MGST1: variants seen among roughly 807,000 people sequenced by gnomAD.
MGST1 encodes microsomal glutathione S-transferase 1, also known as glutathione S-transferase 12.
Under a neutral mutation model 8.9 loss-of-function variants are expected in MGST1, and 5 were observed. The ratio of observed to expected loss-of-function variants is 0.56; its 90% CI spans 0.29 to 1.19. The LOEUF (loss-of-function observed/expected upper bound fraction) is 1.19. Ranked by LOEUF, MGST1 falls within the 50% of genes most tolerant of loss-of-function variation. The pLI is 0.08. For synonymous variants in MGST1, 54 were observed against 67.8 expected (o/e 0.80, Z 1.00); for missense variants, 182 against 187.4 (o/e 0.97, Z 0.17).
At position 16,584,135 on chromosome 12, in the gene MGST1, G is replaced by A. The variant is rs1418392062; in HGVS notation, n.483-5393G>A. 6.6e-6 allele frequency among the ~76,000 whole-genome samples: 1 copy of A among 152,124 alleles called. No individual in the cohort carries two copies. Among genetic ancestry groups the A allele is most frequent in the African/African-American group, 2.4e-5 (1 of 41,434 alleles). On this transcript the variant is annotated intron_variant and non_coding_transcript_variant, in intron 4 of 4. Coordinates refer to the MGST1 transcript ENST00000538857. The surrounding 1 kb of genome is among the most constrained non-coding windows in gnomAD (Gnocchi z 5.2). ...GCCTTTTAGAATCCCTAGAATTGTG[G>A]TAAGAGGGAAATGACAGCAGTGAGT...
Position 16,401,297 on chromosome 12 carries a change from C to T in MGST1, n.778+17693C>T, listed in dbSNP as rs1203535756. On this transcript the variant is annotated intron_variant and non_coding_transcript_variant, in intron 1 of 1. Coordinates refer to the MGST1 transcript ENST00000359720. The surrounding 1 kb of genome is among the most constrained non-coding windows in gnomAD (Gnocchi z 4.3). ...GAGAATCCCAAACTGATGCTGAAAA[C>T]CATTCCTGTCTTCAGTTTGTATTGA... 1.3e-6 allele frequency: 2 copies of T among 1,497,334 alleles called. No homozygotes were observed. Among genetic ancestry groups the T allele is most frequent in the Non-Finnish European group, 1.9e-6 (2 of 1,077,070 alleles). The allele number at this position is 1,497,334 out of a possible 1,614,324, so 92.8% of individuals were successfully genotyped here.
At chr12:16,469,474 C>T (rs1327064105) in intron 4 of MGST1, among the ~76,000 whole-genome samples, 1 of 152,176 alleles carries the variant, frequency 6.6e-6, no homozygotes, top group Non-Finnish European at 1.5e-5. Flanking sequence ...CAGGCATGAG[C>T]CACCATGCCC....
chr12:16,387,844 T>TACC (rs1940518668), intron 1 of MGST1, among the ~76,000 whole-genome samples: 2 of 151,826 alleles, frequency 1.3e-5, no homozygotes, highest in African/African-American at 4.8e-5. Flanking sequence ...TGTATTTCAC[T>TACC]GTACCTTTTC....
chr12:16,387,825 G>GT (rs897891723), intron 1 of MGST1, among the ~76,000 whole-genome samples: 45 of 151,720 alleles, frequency 3.0e-4, no homozygotes, highest in African/African-American at 1.1e-3. Flanking sequence ...GCACCCTGCT[G>GT]TTTTCTACTG....
intron 1 of MGST1, among the ~76,000 whole-genome samples, chr12:16,428,276 C>T (rs1400341350): frequency 2.0e-5 from 3 of 150,762 alleles, no homozygotes. Context: ...TGATGTTAAT[C>T]TACTTTTAAT....
intron 4 of MGST1, among the ~76,000 whole-genome samples, chr12:16,447,300 G>T (rs892996554): frequency 4.6e-5 from 7 of 151,810 alleles, no homozygotes; most frequent in African/African-American, 1.7e-4. Context: ...AAGCTCTTTT[G>T]GGGGTATAGT....
At chr12:16,571,255 G>T (rs1477024436) in intron 4 of MGST1, among the ~76,000 whole-genome samples, 1 of 151,998 alleles carries the variant, frequency 6.6e-6, no homozygotes, top group Non-Finnish European at 1.5e-5. Context: ...ATTTAACTAA[G>T]GATATTACGT....
At chr12:16,498,720 G>A (rs1354743321) in intron 4 of MGST1, among the ~76,000 whole-genome samples, 2 of 152,158 alleles carry the variant, frequency 1.3e-5, no homozygotes, top group African/African-American at 4.8e-5. Flanking sequence ...CAAATGATAT[G>A]TTAGAAAAGC....
intron 1 of MGST1, among the ~76,000 whole-genome samples, chr12:16,350,465 C>T (rs1432249964): frequency 6.6e-6 from 1 of 152,200 alleles, no homozygotes; most frequent in Non-Finnish European, 1.5e-5. Context: ...TTCCTTGAAT[C>T]CTCAAACCAC....
intron 4 of MGST1, among the ~76,000 whole-genome samples, chr12:16,485,623 A>G (rs1435038657): frequency 6.6e-6 from 1 of 152,208 alleles, no homozygotes; most frequent in Non-Finnish European, 1.5e-5. Flanking sequence ...TGGAACTCCA[A>G]TAATTAATTT....
In MGST1 at chr12:16,361,619, G is replaced by A. The variant is rs563665642; in HGVS notation, c.222-2176G>A. On this transcript the variant is annotated intron_variant, in intron 3 of 3. Coordinates refer to ENST00000396210, the MANE Select transcript of MGST1 (RefSeq NM_020300.5). This position sits in a 1 kb window ranked among gnomAD's most constrained non-coding sequence, Gnocchi z 4.2. ...TTGGAGAAGAGGGGAGGGTTAGGAC[G>A]GAAGGGTGATAGTGCACTGCAGCAG... Among the ~76,000 whole-genome samples the A allele has an allele frequency of 3.9e-5, 6 of 152,258 alleles. No homozygotes were observed. The highest frequency in any genetic ancestry group is 4.1e-4 in the South Asian group (2 of 4,826).
At chr12:16,359,875 G>A (rs1939906390) in intron 3 of MGST1, among the ~76,000 whole-genome samples, 1 of 152,154 alleles carries the variant, frequency 6.6e-6, no homozygotes, top group Non-Finnish European at 1.5e-5. Flanking sequence ...TATTTTATTT[G>A]GGGATTTTAG....
chr12:16,564,751 T>G (rs1303057016), intron 4 of MGST1, among the ~76,000 whole-genome samples: 1 of 152,176 alleles, frequency 6.6e-6, no homozygotes, highest in Non-Finnish European at 1.5e-5. Context: ...AGATCAGTAG[T>G]CAAGCAATCC....
chr12:16,536,955 C>A (rs1253128614), intron 4 of MGST1, among the ~76,000 whole-genome samples: 3 of 152,100 alleles, frequency 2.0e-5, no homozygotes, highest in Non-Finnish European at 1.5e-5. Context: ...ATTTCAAAAC[C>A]AATCATGCCT....
rs1185958926 is a variant in MGST1 at position 16,500,775 on chromosome 12, T to C, written n.483-88753T>C. 2.0e-5 allele frequency among the ~76,000 whole-genome samples: 3 copies of C among 152,122 alleles called. No individual in the cohort carries two copies. The highest frequency in any genetic ancestry group is 4.4e-5 in the Non-Finnish European group (3 of 68,018). ...AGGGCAAAATCTATAGGGAGAAAAA[T>C]CAGTGCATCTATTTATCGTTCTTTT... On this transcript the variant is annotated intron_variant and non_coding_transcript_variant, in intron 4 of 4. Coordinates refer to the MGST1 transcript ENST00000538857. The surrounding 1 kb of genome is among the most constrained non-coding windows in gnomAD (Gnocchi z 4.3).
At chr12:16,541,476 C>T (rs1941792976) in intron 4 of MGST1, among the ~76,000 whole-genome samples, 1 of 152,158 alleles carries the variant, frequency 6.6e-6, no homozygotes, top group African/African-American at 2.4e-5. Flanking sequence ...TGCTATTTCT[C>T]TGCATCCTTT....
chr12:16,375,698 CTG>C (rs766741195), intron 3 of MGST1, among the ~76,000 whole-genome samples: 6 of 151,856 alleles, frequency 4.0e-5, no homozygotes, highest in Non-Finnish European at 7.4e-5. Context: ...CGTAGAAACT[CTG>C]TACTACTGAA....
Position 16,363,684 on chromosome 12 carries a change from G to C in MGST1, c.222-111G>C. 1.1e-6 allele frequency: 1 copy of C among 906,610 alleles called. No individual in the cohort carries two copies. 56.2% of individuals were successfully genotyped at this position (906,610 alleles called of 1,614,324 possible). Reference sequence around the variant, plus strand: ...AGAGAAAAAAAATAAATCTTACTTTGAAATTTAAGGATCCATTAGTGCTCA... The same window carrying C: ...AGAGAAAAAAAATAAATCTTACTTTCAAATTTAAGGATCCATTAGTGCTCA... On this transcript the variant is annotated intron_variant, in intron 3 of 3. Transcript: ENST00000396210. The surrounding 1 kb of genome is among the most constrained non-coding windows in gnomAD (Gnocchi z 4.6).
At chr12:16,366,015 G>A (rs150850232), downstream of MGST1, among the ~76,000 whole-genome samples, 105 of 152,136 alleles carry the variant, frequency 6.9e-4, no homozygotes, top group African/African-American at 2.4e-3. The surrounding 1 kb of genome is among the most constrained non-coding windows in gnomAD (Gnocchi z 4.0). Flanking sequence ...GTCTTTCATC[G>A]TTTTCTTAAA....
Sources: allele counts gnomAD v4.1 joint callset (sites outside exome capture counted in the v4.1 genomes callset), GRCh38; gene constraint gnomAD v4.1.1; non-coding constraint Gnocchi (gnomAD v3.1); transcripts MANE v1.5; gene names NCBI Gene and HGNC (gene_info 2026-07-23, HGNC 2026-07-21).